SOX6: variants seen among roughly 807,000 people sequenced by gnomAD.
The protein encoded by SOX6 is transcription factor SOX-6.
Under a neutral mutation model 97.8 loss-of-function variants are expected in SOX6, and 11 were observed. That is an observed-to-expected ratio of 0.11 (90% CI 0.07 to 0.19). SOX6 has a LOEUF of 0.19. SOX6 is among the 10% of genes least tolerant of loss of function. SOX6 has a pLI of 1.00. For synonymous variants in SOX6, 360 were observed against 371.4 expected (o/e 0.97, Z 0.35); for missense variants, 810 against 1,039.5 (o/e 0.78, Z 3.04).
intron 1 of SOX6, among the ~76,000 whole-genome samples, chr11:16,406,200 C>T (rs895562215): frequency 7.9e-5 from 12 of 152,144 alleles, no homozygotes; most frequent in Non-Finnish European, 1.5e-4. Flanking sequence ...TTGAAACCAA[C>T]AGGAAATATT....
At chr11:16,291,284 G>GT (rs1854906904) in intron 3 of SOX6, among the ~76,000 whole-genome samples, 1 of 134,620 alleles carries the variant, frequency 7.4e-6, no homozygotes, top group African/African-American at 2.8e-5. Flanking sequence ...TATACGAGGT[G>GT]TTGTGCTGTC....
At chr11:16,544,722 CT>C (rs796226794) in intron 4 of SOX6, among the ~76,000 whole-genome samples, 5 of 151,860 alleles carry the variant, frequency 3.3e-5, no homozygotes, top group African/African-American at 1.2e-4. Context: ...AATTTTTAAA[CT>C]TTTTTTTAAT....
In SOX6 at chr11:15,967,490, T is replaced by C. The variant is rs769210235; in HGVS notation, c.*5319A>G. 1 of 152,252 alleles carries C rather than the reference T, an allele frequency of 6.6e-6. No individual in the cohort carries two copies. Among genetic ancestry groups the C allele is most frequent in the Non-Finnish European group, 1.5e-5 (1 of 68,044 alleles). 9.4% of individuals were successfully genotyped at this position (152,252 alleles called of 1,614,324 possible). On this transcript the variant is annotated 3_prime_UTR_variant, in exon 16 of 16. Coordinates refer to ENST00000683767, the MANE Select transcript of SOX6 (RefSeq NM_001367873.1). ...ATAAAAGAGTTACAGTAAGATAAGT[T>C]ATGTAGTAACAGCTTATAAGCTTGT...
chr11:16,499,070 G>A (rs892325459), intron 4 of SOX6, among the ~76,000 whole-genome samples: 6 of 152,012 alleles, frequency 3.9e-5, no homozygotes, highest in Admixed American at 2.6e-4. Context: ...AAAGCACTCC[G>A]CAGCAAATGT....
chr11:16,599,345 T>C (rs1848243876), intron 4 of SOX6, among the ~76,000 whole-genome samples: 2 of 152,154 alleles, frequency 1.3e-5, no homozygotes, highest in African/African-American at 4.8e-5. Flanking sequence ...AAATTGAAGT[T>C]GGTCACCAAA....
rs1065024 is a variant in SOX6 at position 15,967,804 on chromosome 11, A to G, written c.*5005T>C. Reference sequence around the variant, plus strand: ...CAGGAATAAGAAACTACTGAGCAAGATATGTCACTGAGTTTTCTTCAAGCG... The same window carrying G: ...CAGGAATAAGAAACTACTGAGCAAGGTATGTCACTGAGTTTTCTTCAAGCG... On this transcript the variant is annotated 3_prime_UTR_variant, in exon 16 of 16. Transcript: ENST00000683767. The G allele has an allele frequency of 0.26, 38,810 of 151,944 alleles. 7,129 individuals carry two copies. The highest frequency in any genetic ancestry group is 0.51 in the East Asian group (2,598 of 5,120). The allele number at this position is 151,944 out of a possible 1,614,324, so 9.4% of individuals were successfully genotyped here.
intron 12 of SOX6, among the ~76,000 whole-genome samples, chr11:16,030,103 T>C (rs1433594836): frequency 1.3e-5 from 2 of 152,206 alleles, no homozygotes; most frequent in African/African-American, 2.4e-5. Flanking sequence ...ATGTCACTTA[T>C]ATAAGGCTTC....
intron 3 of SOX6, among the ~76,000 whole-genome samples, chr11:16,299,763 C>T (rs1855200577): frequency 6.6e-6 from 1 of 151,932 alleles, no homozygotes; most frequent in Admixed American, 6.6e-5. Context: ...CCATGCTTTA[C>T]CACATGGGTC....
In SOX6 at chr11:15,966,639, T is replaced by C. The variant is rs1350919984; in HGVS notation, c.*6170A>G. ...TACATTATCACCCAAAGATGGCATG[T>C]TGAACATATCAGGAAAGCACCTTGT... is the stretch of plus-strand genomic sequence containing the variant. On this transcript the variant is annotated 3_prime_UTR_variant, in exon 16 of 16. Transcript: ENST00000683767. The C allele has an allele frequency of 6.6e-6, 1 of 152,154 alleles. No homozygotes were observed. Among genetic ancestry groups the C allele is most frequent in the Non-Finnish European group, 1.5e-5 (1 of 68,028 alleles). 9.4% of individuals were successfully genotyped at this position (152,154 alleles called of 1,614,324 possible).
At chr11:16,424,079 G>C (rs2133067844) in intron 1 of SOX6, among the ~76,000 whole-genome samples, 1 of 152,236 alleles carries the variant, frequency 6.6e-6, no homozygotes, top group African/African-American at 2.4e-5. Flanking sequence ...AATCTGGAAG[G>C]CAGCACATTC....
At chr11:16,430,311 T>C (rs537724326) in intron 1 of SOX6, among the ~76,000 whole-genome samples, 1 of 152,332 alleles carries the variant, frequency 6.6e-6, no homozygotes, top group East Asian at 1.9e-4. Context: ...GAAAGACAGA[T>C]ATAATCCATG....
intron 1 of SOX6, among the ~76,000 whole-genome samples, chr11:16,390,321 C>G (rs144153897): frequency 3.5e-4 from 53 of 152,124 alleles, no homozygotes; most frequent in Admixed American, 5.9e-4. Context: ...ACAAACTTAC[C>G]CAGTTTCTTT....
chr11:16,459,491 A>G (rs528507882), intron 1 of SOX6, among the ~76,000 whole-genome samples: 1 of 152,186 alleles, frequency 6.6e-6, no homozygotes, highest in East Asian at 1.9e-4. Flanking sequence ...AAAATCAATC[A>G]ATTGAAACTG....
intron 3 of SOX6, among the ~76,000 whole-genome samples, chr11:16,248,748 G>A: frequency 6.6e-6 from 1 of 152,204 alleles, no homozygotes; most frequent in East Asian, 1.9e-4. Flanking sequence ...GGGAGGGGCT[G>A]CTGTGAAGGT....
intron 15 of SOX6, among the ~76,000 whole-genome samples, chr11:15,980,332 T>C (rs1370380687): frequency 6.6e-6 from 1 of 152,036 alleles, no homozygotes; most frequent in African/African-American, 2.4e-5. Flanking sequence ...CTCTCTACCC[T>C]TGGAAGAGTT....
At chr11:16,162,332 A>T (rs555033418) in intron 6 of SOX6, among the ~76,000 whole-genome samples, 1 of 152,214 alleles carries the variant, frequency 6.6e-6, no homozygotes, top group East Asian at 1.9e-4. Context: ...TCAGGACATA[A>T]CATGTGATCT....
intron 4 of SOX6, among the ~76,000 whole-genome samples, chr11:16,486,677 A>G (rs1011138605): frequency 2.0e-5 from 3 of 152,130 alleles, no homozygotes; most frequent in Non-Finnish European, 4.4e-5. Context: ...CCTGGCCAAC[A>G]TGGTGAAACC....
chr11:16,446,309 C>T (rs992553269), intron 1 of SOX6, among the ~76,000 whole-genome samples: 1 of 151,670 alleles, frequency 6.6e-6, no homozygotes, highest in African/African-American at 2.4e-5. Flanking sequence ...GTAGGAGAGA[C>T]AAAGATAGAA....
chr11:16,323,380 T>C (rs1339651021), intron 2 of SOX6, among the ~76,000 whole-genome samples: 2 of 152,150 alleles, frequency 1.3e-5, no homozygotes, highest in Non-Finnish European at 2.9e-5. Flanking sequence ...ACAAAAAACA[T>C]TAAAACGAAT....
Sources: allele counts gnomAD v4.1 joint callset (sites outside exome capture counted in the v4.1 genomes callset), GRCh38; gene constraint gnomAD v4.1.1; transcripts MANE v1.5; gene names NCBI Gene and HGNC (gene_info 2026-07-23, HGNC 2026-07-21).